The following TMEM117 variants were observed in gnomAD, a reference collection of about 807,000 sequenced individuals.
The protein encoded by TMEM117 is transmembrane protein 117.
Under a neutral mutation model 52.4 loss-of-function variants are expected in TMEM117, and 27 were observed. The ratio of observed to expected loss-of-function variants is 0.51; its 90% CI spans 0.38 to 0.71. The LOEUF is 0.71. Among genes scored for constraint, TMEM117 ranks in the 30% least tolerant of loss-of-function variants. TMEM117 has a pLI of 0.00. For synonymous variants in TMEM117, 215 were observed against 206.3 expected (o/e 1.04, Z -0.36); for missense variants, 556 against 630.5 (o/e 0.88, Z 1.26).
At chr12:43,914,179 C>G (rs10880585) in intron 2 of TMEM117, among the ~76,000 whole-genome samples, 108,922 of 151,920 alleles carry the variant, frequency 0.72, 42,157 homozygotes, top group East Asian at 0.87. Context: ...CATGCAGCAG[C>G]TTCGGGAGGG....
chr12:43,935,438 A>T (rs553684616), intron 2 of TMEM117, among the ~76,000 whole-genome samples: 30 of 152,320 alleles, frequency 2.0e-4, no homozygotes, highest in African/African-American at 7.0e-4. Flanking sequence ...CTTGTCAAGT[A>T]TTCTAATATT....
intron 6 of TMEM117, among the ~76,000 whole-genome samples, chr12:44,315,997 C>T (rs1247529831): frequency 1.3e-5 from 2 of 152,106 alleles, no homozygotes; most frequent in African/African-American, 4.8e-5. Flanking sequence ...CTCTGGAAGA[C>T]AGGAGACAGA....
chr12:44,283,881 G>T (rs150847746), intron 5 of TMEM117, among the ~76,000 whole-genome samples: 2 of 152,120 alleles, frequency 1.3e-5, no homozygotes, highest in African/African-American at 2.4e-5. Flanking sequence ...GAGACTCAGG[G>T]CTAGGTAATT....
At chr12:44,323,665 G>A (rs184988755) in intron 6 of TMEM117, among the ~76,000 whole-genome samples, 1 of 152,086 alleles carries the variant, frequency 6.6e-6, no homozygotes, top group African/African-American at 2.4e-5. Context: ...TTACATTCTA[G>A]GTAATTTCAT....
chr12:44,135,652 A>C (rs1948479692), intron 3 of TMEM117, among the ~76,000 whole-genome samples: 1 of 152,154 alleles, frequency 6.6e-6, no homozygotes, highest in African/African-American at 2.4e-5. Context: ...GGGAAGAAGA[A>C]GGAGGAGGAG....
intron 3 of TMEM117, among the ~76,000 whole-genome samples, chr12:43,950,774 A>G (rs1945207663): frequency 6.6e-6 from 1 of 152,246 alleles, no homozygotes. Context: ...TTTGTTTTAG[A>G]AGTAACAATT....
intron 4 of TMEM117, among the ~76,000 whole-genome samples, chr12:44,167,435 G>A (rs899859850): frequency 2.0e-5 from 3 of 152,114 alleles, no homozygotes; most frequent in Admixed American, 6.5e-5. Flanking sequence ...TTGGGAGGCC[G>A]AGGCGGGCAG....
chr12:43,894,936 A>T (rs942241718), intron 2 of TMEM117, among the ~76,000 whole-genome samples: 1 of 152,164 alleles, frequency 6.6e-6, no homozygotes, highest in African/African-American at 2.4e-5. Flanking sequence ...ACACATAATT[A>T]TTGCATATGT....
chr12:44,116,905 C>G (rs182179591), intron 3 of TMEM117, among the ~76,000 whole-genome samples: 1 of 152,300 alleles, frequency 6.6e-6, no homozygotes, highest in African/African-American at 2.4e-5. Context: ...CAGTAGCCTC[C>G]TAACTGATCT....
chr12:43,800,600 AAT>A, the TMEM117 span: 3 of 1,160,848 alleles, frequency 2.6e-6, no homozygotes, highest in Non-Finnish European at 3.8e-6. Context: ...GCACATTCTG[AAT>A]ATATTAATAT....
chr12:44,206,297 C>T (rs951938880), intron 4 of TMEM117, among the ~76,000 whole-genome samples: 6 of 152,174 alleles, frequency 3.9e-5, no homozygotes, highest in African/African-American at 1.4e-4. Context: ...GAGCAGTTTT[C>T]TGCCCTGGGT....
At chr12:44,311,058 G>T (rs1471741273) in intron 6 of TMEM117, among the ~76,000 whole-genome samples, 1 of 151,986 alleles carries the variant, frequency 6.6e-6, no homozygotes, top group Non-Finnish European at 1.5e-5. Flanking sequence ...AGATGTTTGG[G>T]GAATTGTTCA....
chr12:44,309,925 T>G (rs1950952577), intron 6 of TMEM117, among the ~76,000 whole-genome samples: 1 of 152,218 alleles, frequency 6.6e-6, no homozygotes, highest in African/African-American at 2.4e-5. Flanking sequence ...GTTTAGTGAA[T>G]GACGGGAACA....
At chr12:44,249,817 C>A (rs1465911297) in intron 5 of TMEM117, among the ~76,000 whole-genome samples, 1 of 152,164 alleles carries the variant, frequency 6.6e-6, no homozygotes, top group African/African-American at 2.4e-5. Context: ...GGACCCATTC[C>A]TTACACCTTA....
intron 6 of TMEM117, among the ~76,000 whole-genome samples, chr12:44,348,407 C>A (rs1206016820): frequency 6.6e-6 from 1 of 151,846 alleles, no homozygotes; most frequent in Non-Finnish European, 1.5e-5. Context: ...GCCATCATCA[C>A]CCTTTACCCC....
intron 3 of TMEM117, among the ~76,000 whole-genome samples, chr12:44,066,381 T>C (rs1339433832): frequency 2.0e-5 from 3 of 152,210 alleles, no homozygotes; most frequent in Admixed American, 6.5e-5. Flanking sequence ...TCCTGTTGAC[T>C]TTGTGAGCCA....
intron 3 of TMEM117, among the ~76,000 whole-genome samples, chr12:43,960,522 G>A (rs1384077646): frequency 6.6e-6 from 1 of 152,182 alleles, no homozygotes; most frequent in Non-Finnish European, 1.5e-5. Context: ...AATTGGTGAA[G>A]TTTTAAAACA....
intron 5 of TMEM117, among the ~76,000 whole-genome samples, chr12:44,225,044 C>G (rs1219628286): frequency 6.6e-6 from 1 of 152,100 alleles, no homozygotes; most frequent in African/African-American, 2.4e-5. Flanking sequence ...TACTTGCAGT[C>G]TTGATGAGAA....
intron 5 of TMEM117, among the ~76,000 whole-genome samples, chr12:44,270,242 A>T (rs575438081): frequency 6.6e-6 from 1 of 152,248 alleles, no homozygotes; most frequent in South Asian, 2.1e-4. Context: ...CTCAAAGTAT[A>T]ATGCTCCTTA....
Sources: allele counts gnomAD v4.1 joint callset (sites outside exome capture counted in the v4.1 genomes callset), GRCh38; gene constraint gnomAD v4.1.1; transcripts MANE v1.5; gene names NCBI Gene and HGNC (gene_info 2026-07-23, HGNC 2026-07-21).